The following BCKDHB variants were observed in gnomAD, a reference collection of about 807,000 sequenced individuals.
BCKDHB encodes 2-oxoisovalerate dehydrogenase subunit beta, mitochondrial.
A neutral mutation model predicts 48.5 loss-of-function variants in BCKDHB; 41 were observed. The observed-to-expected ratio is 0.85, with a 90% CI of 0.66 to 1.10. BCKDHB has a LOEUF of 1.10. Ranked by LOEUF, BCKDHB falls within the 50% of genes least tolerant of loss-of-function variation. The pLI, the probability that BCKDHB is intolerant of heterozygous loss-of-function variation, is 0.00. For missense variants in BCKDHB, 496 were observed against 494.2 expected (o/e 1.00, Z -0.03); for synonymous variants, 201 against 174.8 (o/e 1.15, Z -1.18).
At chr6:80,427,285 C>A in the BCKDHB span, among the ~76,000 whole-genome samples, 4 of 151,778 alleles carry the variant, frequency 2.6e-5, no homozygotes, top group Admixed American at 2.6e-4. Context: ...TTTGGAGTAC[C>A]CATATTCAAC....
chr6:80,306,076 C>T (rs1767861578), intron 9 of BCKDHB, among the ~76,000 whole-genome samples: 10 of 152,158 alleles, frequency 6.6e-5, no homozygotes, highest in Admixed American at 6.5e-4. Context: ...TGAATTAATA[C>T]ATGTAAAACT....
At chr6:80,233,676 G>C (rs58898449) in intron 8 of BCKDHB, among the ~76,000 whole-genome samples, 104 of 152,216 alleles carry the variant, frequency 6.8e-4, no homozygotes, top group African/African-American at 2.4e-3. Context: ...TCTACTTTGC[G>C]TGTCAAATGT....
chr6:80,182,662 A>G (rs1452245946), intron 6 of BCKDHB, among the ~76,000 whole-genome samples: 1 of 152,162 alleles, frequency 6.6e-6, no homozygotes, highest in African/African-American at 2.4e-5. Flanking sequence ...ATTTACATAC[A>G]TATGTGAATA....
chr6:80,221,223 T>C (rs1371218041), intron 8 of BCKDHB, among the ~76,000 whole-genome samples: 1 of 152,210 alleles, frequency 6.6e-6, no homozygotes, highest in Admixed American at 6.5e-5. Flanking sequence ...CCTCCATTTA[T>C]CTCCGCATTG....
intron 8 of BCKDHB, among the ~76,000 whole-genome samples, chr6:80,213,138 T>C (rs770559907): frequency 1.3e-4 from 20 of 152,198 alleles, no homozygotes; most frequent in Non-Finnish European, 2.6e-4. Flanking sequence ...GTTTTCAATT[T>C]GGTGCTTCTT....
rs756861667 is a variant in BCKDHB at position 80,129,147 on chromosome 6, A to G, written c.275-14A>G. 1.9e-6 allele frequency: 3 copies of G among 1,574,778 alleles called. No homozygotes were observed. The South Asian group carries it at 3.4e-5, about 18-fold the overall frequency. On this transcript the variant is annotated splice_polypyrimidine_tract_variant and intron_variant, in intron 2 of 9. Transcript: ENST00000320393. Reference sequence around the variant, plus strand: ...TTATTAAATAAAATGTATTATTTAAATACTGTTTTTCAGTAATATTTGGTG... The same window carrying G: ...TTATTAAATAAAATGTATTATTTAAGTACTGTTTTTCAGTAATATTTGGTG...
chr6:80,127,237 C>T (rs1209828083), intron 1 of BCKDHB: 4 of 341,974 alleles, frequency 1.2e-5, no homozygotes, highest in African/African-American at 4.2e-5. Flanking sequence ...CTCACTTTGA[C>T]GGGTCTCCCT....
chr6:80,239,817 G>A (rs630997), intron 8 of BCKDHB, among the ~76,000 whole-genome samples: 139,219 of 151,974 alleles, frequency 0.92, 63,863 homozygotes, highest in East Asian at 0.99. Context: ...AGCTTTCTAC[G>A]TATGGCTAGC....
intron 9 of BCKDHB, among the ~76,000 whole-genome samples, chr6:80,274,109 T>C (rs1361069799): frequency 1.3e-5 from 2 of 152,044 alleles, no homozygotes; most frequent in Non-Finnish European, 2.9e-5. Flanking sequence ...AATTATGATA[T>C]ATGGATAATG....
At chr6:80,302,847 T>G (rs1188891611) in intron 9 of BCKDHB, among the ~76,000 whole-genome samples, 1 of 152,156 alleles carries the variant, frequency 6.6e-6, no homozygotes, top group East Asian at 1.9e-4. Context: ...AAATGAAATA[T>G]GAGCTATGCT....
At chr6:80,284,011 G>A (rs1170834395) in intron 9 of BCKDHB, among the ~76,000 whole-genome samples, 1 of 151,974 alleles carries the variant, frequency 6.6e-6, no homozygotes, top group East Asian at 1.9e-4. Context: ...AACAGGATGG[G>A]TCTGCCTCCT....
At chr6:80,343,627 A>T (rs778806075) in intron 9 of BCKDHB, 37 bp from the exon 10 acceptor site, 8 of 1,612,618 alleles carry the variant, frequency 5.0e-6, no homozygotes, top group Non-Finnish European at 6.8e-6. Context: ...TGAGTAAAAA[A>T]AATTCTTGAA....
At chr6:80,115,430 T>A (rs781638921) in intron 1 of BCKDHB, among the ~76,000 whole-genome samples, 64 of 152,278 alleles carry the variant, frequency 4.2e-4, no homozygotes, top group Non-Finnish European at 7.5e-4. Context: ...TAGAGGTACA[T>A]ACCTGGTCAA....
rs1167942161 is a variant in BCKDHB, at chr6:80,162,157, A to T, written c.344-5521A>T. ...CCATCATGCTGCATGTTCCGGGTCC[A>T]TTCGGTCTTCCATTCTCCCAGATGA... is the stretch of plus-strand genomic sequence containing the variant. On this transcript the variant is annotated intron_variant, in intron 3 of 9. Coordinates refer to ENST00000320393, the MANE Select transcript of BCKDHB (RefSeq NM_183050.4). 2.0e-5 allele frequency among the ~76,000 whole-genome samples: 3 copies of T among 152,134 alleles called. No individual in the cohort carries two copies. In the East Asian group the frequency reaches 5.8e-4, roughly 29 times the overall value.
At chr6:80,192,097 G>A (rs1354282924) in intron 6 of BCKDHB, among the ~76,000 whole-genome samples, 1 of 152,080 alleles carries the variant, frequency 6.6e-6, no homozygotes, top group African/African-American at 2.4e-5. Flanking sequence ...CTGTGTCAGT[G>A]TGATAGATAA....
chr6:80,243,749 T>C (rs1226550146), intron 8 of BCKDHB, among the ~76,000 whole-genome samples: 1 of 152,174 alleles, frequency 6.6e-6, no homozygotes, highest in Non-Finnish European at 1.5e-5. Context: ...TTGCCCAAAC[T>C]GGTCTTGAAC....
At chr6:80,189,880 T>G (rs2322637) in intron 6 of BCKDHB, among the ~76,000 whole-genome samples, 2 of 152,176 alleles carry the variant, frequency 1.3e-5, no homozygotes, top group Non-Finnish European at 2.9e-5. Flanking sequence ...TTATGAATTC[T>G]AGCTAATTTA....
chr6:80,432,587 T>C, the BCKDHB span, among the ~76,000 whole-genome samples: 1 of 152,192 alleles, frequency 6.6e-6, no homozygotes, highest in African/African-American at 2.4e-5. Flanking sequence ...TCTAACCTTT[T>C]TTCAAGGTTC....
intron 1 of BCKDHB, among the ~76,000 whole-genome samples, chr6:80,115,827 G>A (rs1222777338): frequency 6.6e-6 from 1 of 151,844 alleles, no homozygotes; most frequent in Admixed American, 6.6e-5. Flanking sequence ...TAGTAGAGAC[G>A]GAGTTTTACC....
Sources: gnomAD v4.1 joint callset for allele counts (sites outside exome capture counted in the v4.1 genomes callset) on GRCh38, gnomAD v4.1.1 for gene constraint, MANE v1.5 for transcripts, NCBI Gene and HGNC (gene_info 2026-07-23, HGNC 2026-07-21) for gene names.